Variants in PPP4R2 observed in about 807,000 individuals in gnomAD.
The protein encoded by PPP4R2 is serine/threonine-protein phosphatase 4 regulatory subunit 2.
PPP4R2 carries 13 observed loss-of-function variants against 47.2 expected under a neutral mutation model. The ratio of observed to expected loss-of-function variants is 0.28; its 90% CI spans 0.18 to 0.44. The LOEUF (loss-of-function observed/expected upper bound fraction) is 0.44, where lower values mean the gene tolerates loss of function less well. Ranked by LOEUF, PPP4R2 falls within the 20% of genes least tolerant of loss-of-function variation. PPP4R2 has a pLI of 1.00. For missense variants in PPP4R2, 421 were observed against 491.2 expected (o/e 0.86, Z 1.35); for synonymous variants, 151 against 163.3 (o/e 0.92, Z 0.57).
intron 3 of PPP4R2, among the ~76,000 whole-genome samples, chr3:73,057,016 T>C (rs1702743763): frequency 6.6e-6 from 1 of 152,130 alleles, no homozygotes; most frequent in African/African-American, 2.4e-5. Context: ...ATATTTTGAA[T>C]AATAAATTTT....
chr3:73,047,479 T>A (rs1702507858), intron 3 of PPP4R2, 123 bp downstream of exon 3: 1 of 591,104 alleles, frequency 1.7e-6, no homozygotes, highest in Non-Finnish European at 2.8e-6. Flanking sequence ...TTGTTTCTAG[T>A]GACATGTAGT....
chr3:73,028,490 C>G (rs978498544), intron 2 of PPP4R2, among the ~76,000 whole-genome samples: 4 of 152,118 alleles, frequency 2.6e-5, no homozygotes, highest in East Asian at 1.9e-4. Context: ...TGGAGTCTCG[C>G]TCTTCCACCA....
intron 4 of PPP4R2, 118 bp downstream of exon 4, chr3:73,059,248 A>T: frequency 1.8e-6 from 1 of 562,390 alleles, no homozygotes; most frequent in Non-Finnish European, 3.0e-6. Flanking sequence ...TTTTCAGCCT[A>T]CCTTGAGTTT....
Position 73,062,232 on chromosome 3 carries a change from C to G in PPP4R2, c.419+1172C>G, listed in dbSNP as rs768014968. The G allele has an allele frequency of 3.8e-6, 6 of 1,597,754 alleles. No homozygotes were observed. The South Asian group carries it at 6.8e-5, about 18-fold the overall frequency. On this transcript the variant is annotated intron_variant, in intron 5 of 8. Coordinates refer to ENST00000356692, the MANE Select transcript of PPP4R2 (RefSeq NM_174907.4). ...GAACCAATTTTCCACAATGTCTCATCTAAGAAAGGACTCACAGCCCAGCAG... is the reference window on the plus strand; with the variant it reads ...GAACCAATTTTCCACAATGTCTCATGTAAGAAAGGACTCACAGCCCAGCAG...
chr3:73,052,197 C>T (rs1212387965), intron 3 of PPP4R2, among the ~76,000 whole-genome samples: 1 of 148,068 alleles, frequency 6.8e-6, no homozygotes, highest in East Asian at 2.0e-4. Flanking sequence ...TCTATTTTGT[C>T]TATTGAGGCA....
intron 3 of PPP4R2, among the ~76,000 whole-genome samples, chr3:73,050,299 T>C (rs558690552): frequency 6.6e-6 from 1 of 152,294 alleles, no homozygotes; most frequent in South Asian, 2.1e-4. Context: ...TTTTTCAGTT[T>C]ATGAATCACT....
Position 73,064,060 on chromosome 3 carries a change from G to A in PPP4R2, c.552G>A (p.Leu184=). ...PRPLNRPKVS[L]SAPMTTNGLP... is the part of the protein sequence containing the mutation. Reference sequence around the variant, plus strand: ...CACTTAATCGACCAAAGGTTTCTTTGTCAGCCCCCATGACAACAAATGGGT... The same window carrying A: ...CACTTAATCGACCAAAGGTTTCTTTATCAGCCCCCATGACAACAAATGGGT... The change falls in exon 7 of 9, where the codon TTG becomes TTA. Residue 184 remains leucine, a synonymous_variant. Coordinates refer to ENST00000356692, the MANE Select transcript of PPP4R2 (RefSeq NM_174907.4). 2 of 1,613,342 alleles carry A rather than the reference G, an allele frequency of 1.2e-6. No homozygotes were observed. The highest frequency in any genetic ancestry group is 1.7e-6 in the Non-Finnish European group (2 of 1,179,752).
chr3:73,065,213 A>G, intron 8 of PPP4R2, 72 bp downstream of exon 8: 1 of 1,444,800 alleles, frequency 6.9e-7, no homozygotes, highest in Non-Finnish European at 9.2e-7. Context: ...TTTTTTCGTG[A>G]AAGAATTTTA....
chr3:73,064,824 T>C (rs1450958698), intron 7 of PPP4R2, 28 bp from the exon 8 acceptor site: 1 of 1,542,814 alleles, frequency 6.5e-7, no homozygotes, highest in African/African-American at 1.4e-5. Context: ...ATAATCTTAT[T>C]AATGACACTT....
intron 4 of PPP4R2, among the ~76,000 whole-genome samples, 195 bp from the exon 5 acceptor site, chr3:73,060,828 A>G (rs1203974326): frequency 1.3e-5 from 2 of 152,102 alleles, no homozygotes; most frequent in African/African-American, 4.8e-5. Context: ...TGAGTAGGAT[A>G]TTCTCTTTTG....
rs1477314934 is a variant in PPP4R2 at position 73,068,783 on chromosome 3, C to T, written c.*3061C>T. 6.6e-6 allele frequency: 1 copy of T among 152,076 alleles called. No homozygotes were observed. Among genetic ancestry groups the T allele is most frequent in the Non-Finnish European group, 1.5e-5 (1 of 68,018 alleles). The allele number at this position is 152,076 out of a possible 1,614,324, so 9.4% of individuals were successfully genotyped here. On this transcript the variant is annotated 3_prime_UTR_variant, in exon 9 of 9. Coordinates refer to ENST00000356692, the MANE Select transcript of PPP4R2 (RefSeq NM_174907.4). ...ACTAGTTTACTTAAAGGTACTTGGG[C>T]AGAATCTAAAGCTGCTACAATGTTT... is the stretch of plus-strand genomic sequence containing the variant.
chr3:73,009,878 G>A (rs1391156843), intron 2 of PPP4R2, among the ~76,000 whole-genome samples: 1 of 152,134 alleles, frequency 6.6e-6, no homozygotes, highest in East Asian at 1.9e-4. Context: ...TGATGTGTTC[G>A]TTTGCTTGTC....
chr3:73,037,050 AAAATG>A (rs1182684899), intron 2 of PPP4R2, among the ~76,000 whole-genome samples: 1 of 152,182 alleles, frequency 6.6e-6, no homozygotes, highest in African/African-American at 2.4e-5. Context: ...CCTAAATTTA[AAAATG>A]AAATGATTAT....
intron 2 of PPP4R2, among the ~76,000 whole-genome samples, chr3:73,045,683 C>T (rs926888084): frequency 1.3e-5 from 2 of 152,014 alleles, no homozygotes; most frequent in African/African-American, 4.8e-5. Context: ...TGCACCACCC[C>T]GCCTGGCTAA....
chr3:73,061,070 T>G lies in PPP4R2; in HGVS notation c.419+10T>G. The G allele has an allele frequency of 7.1e-7, 1 of 1,410,974 alleles. No homozygotes were observed. Among genetic ancestry groups the G allele is most frequent in the Non-Finnish European group, 9.7e-7 (1 of 1,028,922 alleles). The allele number at this position is 1,410,974 out of a possible 1,614,324, so 87.4% of individuals were successfully genotyped here. ...TTTATCCTTCTTCAGAGTAAGTATA[T>G]TTTTTCTATTTCTAGTATATTATTT... On this transcript the variant is annotated intron_variant, in intron 5 of 8. Transcript: ENST00000356692.
At chr3:73,051,718 C>T (rs924106817) in intron 3 of PPP4R2, among the ~76,000 whole-genome samples, 8 of 152,236 alleles carry the variant, frequency 5.3e-5, no homozygotes, top group South Asian at 2.1e-4. Flanking sequence ...CTCCGCCTCC[C>T]GGGTTCATGC....
At chr3:73,021,253 A>G (rs1203587298) in intron 2 of PPP4R2, among the ~76,000 whole-genome samples, 2 of 141,580 alleles carry the variant, frequency 1.4e-5, no homozygotes, top group Non-Finnish European at 3.1e-5. Flanking sequence ...TTTTTTTTGT[A>G]ACAGGATCTT....
At chr3:73,062,454 A>G (rs773569100) in intron 5 of PPP4R2, 3 of 1,612,276 alleles carry the variant, frequency 1.9e-6, no homozygotes, top group Admixed American at 1.7e-5. Flanking sequence ...TGTGACCCCA[A>G]GTTTAGTATT....
chr3:73,044,915 T>C (rs1275833688), intron 2 of PPP4R2, among the ~76,000 whole-genome samples: 4 of 152,226 alleles, frequency 2.6e-5, no homozygotes, highest in African/African-American at 9.6e-5. Context: ...TTCTGCTCTG[T>C]TGATAGTGTC....
Sources: gnomAD v4.1 joint callset for allele counts (sites outside exome capture counted in the v4.1 genomes callset) on GRCh38, gnomAD v4.1.1 for gene constraint, MANE v1.5 for transcripts, NCBI Gene and HGNC (gene_info 2026-07-23, HGNC 2026-07-21) for gene names.